GRID2: variants seen among roughly 807,000 people sequenced by gnomAD.
GRID2 encodes glutamate ionotropic receptor delta type subunit 2.
A neutral mutation model predicts 114.8 loss-of-function variants in GRID2; 33 were observed. The observed-to-expected ratio is 0.29, with a 90% CI of 0.22 to 0.38. The LOEUF (loss-of-function observed/expected upper bound fraction) is 0.38. GRID2 is among the 10% of genes least tolerant of loss of function. The pLI, the probability that GRID2 is intolerant of heterozygous loss-of-function variation, is 1.00. For synonymous variants in GRID2, 505 were observed against 449.9 expected (o/e 1.12, Z -1.55); for missense variants, 1,184 against 1,257.7 (o/e 0.94, Z 0.89).
At chr4:93,376,988 A>T (rs1763441418) in intron 8 of GRID2, among the ~76,000 whole-genome samples, 1 of 152,212 alleles carries the variant, frequency 6.6e-6, no homozygotes, top group Non-Finnish European at 1.5e-5. Context: ...AAAAATAAAA[A>T]TAAATTATTC....
intron 7 of GRID2, among the ~76,000 whole-genome samples, chr4:93,231,110 G>A (rs1180778076): frequency 6.6e-6 from 1 of 151,984 alleles, no homozygotes; most frequent in Non-Finnish European, 1.5e-5. Context: ...CTCCCCTGGG[G>A]TATTTATAAA....
intron 3 of GRID2, among the ~76,000 whole-genome samples, chr4:93,090,954 G>T (rs146530549): frequency 0.01 from 1,556 of 152,218 alleles, 14 homozygotes; most frequent in Non-Finnish European, 0.015. Context: ...GACTTTGTGA[G>T]AGTAGTTGAT....
intron 4 of GRID2, among the ~76,000 whole-genome samples, chr4:93,192,366 A>G (rs1438288673): frequency 6.6e-6 from 1 of 152,188 alleles, no homozygotes; most frequent in African/African-American, 2.4e-5. Context: ...TGAATGATAA[A>G]CACTTCAGTG....
rs1300787035 is a variant in GRID2, at chr4:93,524,823, GTATATA to G, written c.2193+9434_2193+9439del. 1.9e-3 allele frequency among the ~76,000 whole-genome samples: 114 copies of G among 59,918 alleles called. 2 individuals carry two copies. The highest frequency in any genetic ancestry group is 5.1e-3 in the African/African-American group (73 of 14,216). 39.3% of individuals were successfully genotyped at this position (59,918 alleles called of 152,430 possible). On this transcript the variant is annotated intron_variant, in intron 13 of 15. Transcript: ENST00000282020. ...TATATATATATATATATGTATGTAT[GTATATA>G]TATATATATATATATATATATGTAT... is the stretch of plus-strand genomic sequence containing the variant.
intron 14 of GRID2, among the ~76,000 whole-genome samples, chr4:93,699,374 C>T (rs974757074): frequency 6.6e-6 from 1 of 152,058 alleles, no homozygotes; most frequent in Non-Finnish European, 1.5e-5. Flanking sequence ...AAGGTATTTA[C>T]TCTCTTTAAG....
chr4:93,390,261 A>C (rs1764726264), intron 8 of GRID2, among the ~76,000 whole-genome samples: 1 of 152,188 alleles, frequency 6.6e-6, no homozygotes, highest in Non-Finnish European at 1.5e-5. Context: ...AATAGTCAAC[A>C]AAATATTCTA....
chr4:93,137,109 A>C (rs748829948), intron 4 of GRID2, among the ~76,000 whole-genome samples: 1 of 152,124 alleles, frequency 6.6e-6, no homozygotes, highest in Non-Finnish European at 1.5e-5. Context: ...TAAATGATGA[A>C]ATTAAGCTTA....
intron 2 of GRID2, among the ~76,000 whole-genome samples, chr4:92,684,319 A>G (rs1224688189): frequency 6.6e-6 from 1 of 151,898 alleles, no homozygotes; most frequent in Non-Finnish European, 1.5e-5. Context: ...CTCACATTTG[A>G]TTTCTTGGAT....
chr4:93,781,454 C>T (rs1734477510), intron 1 of GRID2, among the ~76,000 whole-genome samples: 1 of 151,814 alleles, frequency 6.6e-6, no homozygotes, highest in African/African-American at 2.4e-5. Flanking sequence ...CGGTGAGGCC[C>T]ACTGGGCTTC....
chr4:92,721,000 A>G (rs1400094053), intron 2 of GRID2, among the ~76,000 whole-genome samples: 1 of 152,140 alleles, frequency 6.6e-6, no homozygotes, highest in African/African-American at 2.4e-5. Flanking sequence ...GACACATCAT[A>G]CTGCAGTATA....
chr4:92,414,554 G>C (rs752017035), intron 1 of GRID2, among the ~76,000 whole-genome samples: 6 of 152,098 alleles, frequency 3.9e-5, no homozygotes, highest in Non-Finnish European at 1.5e-5. Context: ...AAAGCAAAAA[G>C]GAGTCATTTA....
intron 6 of GRID2, 92 bp downstream of exon 6, chr4:93,217,003 A>G: frequency 3.7e-6 from 3 of 821,398 alleles, no homozygotes; most frequent in Non-Finnish European, 6.1e-6. Flanking sequence ...TCAGAATTAT[A>G]CGTGTTATTT....
intron 11 of GRID2, among the ~76,000 whole-genome samples, chr4:93,488,012 G>A (rs1255566838): frequency 6.6e-6 from 1 of 151,810 alleles, no homozygotes; most frequent in Non-Finnish European, 1.5e-5. Flanking sequence ...TTATAACAAA[G>A]ATTAAAAAAC....
In GRID2 at chr4:92,673,591, T is replaced by G. The variant is rs546157267; in HGVS notation, c.244+83305T>G. ...TTCTGTTTTTTTAGGTGAAACCACT[T>G]TTATTTTCACTGATTTTTTTAAAGA... On this transcript the variant is annotated intron_variant, in intron 2 of 15. Coordinates refer to ENST00000282020, the MANE Select transcript of GRID2 (RefSeq NM_001510.4). Among the ~76,000 whole-genome samples the G allele has an allele frequency of 3.2e-4, 49 of 152,314 alleles. No homozygotes were observed. In the Middle Eastern group the frequency reaches 0.017, roughly 53 times the overall value.
intron 4 of GRID2, among the ~76,000 whole-genome samples, chr4:93,189,620 C>G (rs1244037293): frequency 6.6e-6 from 1 of 152,004 alleles, no homozygotes; most frequent in African/African-American, 2.4e-5. Flanking sequence ...TTCATTCAAT[C>G]ATATTAATTT....
At chr4:93,558,939 A>T (rs2149558478) in intron 13 of GRID2, among the ~76,000 whole-genome samples, 1 of 152,318 alleles carries the variant, frequency 6.6e-6, no homozygotes, top group African/African-American at 2.4e-5. Context: ...GCATATGCAA[A>T]TCAATAGACG....
chr4:93,660,166 C>A (rs1400689557), intron 14 of GRID2, among the ~76,000 whole-genome samples: 2 of 151,782 alleles, frequency 1.3e-5, no homozygotes, highest in Non-Finnish European at 2.9e-5. Flanking sequence ...TGGCGGGTAT[C>A]CTGTATTTCT....
At chr4:93,080,166 G>A (rs1325763041) in intron 2 of GRID2, among the ~76,000 whole-genome samples, 1 of 152,048 alleles carries the variant, frequency 6.6e-6, no homozygotes, top group Non-Finnish European at 1.5e-5. Context: ...AAATTGTTTT[G>A]TGTTACTGTA....
intron 13 of GRID2, among the ~76,000 whole-genome samples, chr4:93,616,870 C>T (rs1034184970): frequency 6.9e-6 from 1 of 145,882 alleles, no homozygotes; most frequent in African/African-American, 2.6e-5. Flanking sequence ...TGGTGGGCGC[C>T]TGTAGTCCCA....
Sources: allele counts gnomAD v4.1 joint callset (sites outside exome capture counted in the v4.1 genomes callset), GRCh38; gene constraint gnomAD v4.1.1; transcripts MANE v1.5; gene names NCBI Gene and HGNC (gene_info 2026-07-23, HGNC 2026-07-21).